ADAM23: variants seen among roughly 807,000 people sequenced by gnomAD.
ADAM23 encodes the protein disintegrin and metalloproteinase domain-containing protein 23.
ADAM23 carries 33 observed loss-of-function variants against 120.1 expected under a neutral mutation model. The ratio of observed to expected loss-of-function variants is 0.27; its 90% CI spans 0.21 to 0.37. The LOEUF (loss-of-function observed/expected upper bound fraction) is 0.37. Ranked by LOEUF, ADAM23 falls within the 10% of genes least tolerant of loss-of-function variation. The pLI is 1.00. For synonymous variants in ADAM23, 367 were observed against 375.2 expected (o/e 0.98, Z 0.25); for missense variants, 862 against 1,058.2 (o/e 0.81, Z 2.57).
chr2:206,511,217 G>A (rs1376369467), intron 3 of ADAM23, among the ~76,000 whole-genome samples: 2 of 151,686 alleles, frequency 1.3e-5, no homozygotes, highest in African/African-American at 4.8e-5. Context: ...CTTTTATGAT[G>A]TCTCTTTGAA....
chr2:206,497,478 A>C (rs993378382), intron 3 of ADAM23, among the ~76,000 whole-genome samples: 3 of 152,234 alleles, frequency 2.0e-5, no homozygotes, highest in African/African-American at 7.2e-5. Flanking sequence ...ATTCTCAATA[A>C]ATTAGGTATC....
intron 3 of ADAM23, among the ~76,000 whole-genome samples, chr2:206,517,240 T>G (rs1444509677): frequency 6.6e-6 from 1 of 152,140 alleles, no homozygotes; most frequent in Non-Finnish European, 1.5e-5. Flanking sequence ...GATTGACTTT[T>G]GCCTTCACAG....
intron 6 of ADAM23, among the ~76,000 whole-genome samples, chr2:206,543,854 A>G (rs1055628641): frequency 6.6e-6 from 1 of 152,198 alleles, no homozygotes; most frequent in African/African-American, 2.4e-5. Context: ...ATTGGAGACT[A>G]TTACTATAAG....
intron 3 of ADAM23, among the ~76,000 whole-genome samples, chr2:206,493,755 A>G (rs1049019901): frequency 2.0e-5 from 3 of 152,258 alleles, no homozygotes; most frequent in Admixed American, 6.5e-5. Context: ...TCCATTTTAC[A>G]GGAATATCTT....
intron 3 of ADAM23, among the ~76,000 whole-genome samples, chr2:206,496,454 G>A (rs1029250461): frequency 2.0e-5 from 3 of 152,052 alleles, no homozygotes; most frequent in African/African-American, 7.2e-5. Context: ...TGAAACCAAC[G>A]AGAACAAAGA....
intron 2 of ADAM23, among the ~76,000 whole-genome samples, chr2:206,477,897 A>AATATATATATAT (rs71034457): frequency 4.1e-4 from 38 of 93,562 alleles, no homozygotes; most frequent in Admixed American, 2.0e-3. Context: ...AAAAAAAAAA[A>AATATATATATAT]ATATATATAT....
At chr2:206,576,576 TTC>T (rs1477458826) in intron 18 of ADAM23, among the ~76,000 whole-genome samples, 1 of 152,124 alleles carries the variant, frequency 6.6e-6, no homozygotes, top group African/African-American at 2.4e-5. Context: ...CCCAAAATTC[TTC>T]TTTTTCTCCT....
At chr2:206,481,477 G>A (rs528424156) in intron 3 of ADAM23, among the ~76,000 whole-genome samples, 169 bp downstream of exon 3, 41 of 152,026 alleles carry the variant, frequency 2.7e-4, no homozygotes, top group South Asian at 4.2e-4. Context: ...ATTTTTTTCC[G>A]AAATAAAAGA....
rs1695012796 is a variant in ADAM23, at chr2:206,443,840, C to G, written c.-27C>G. On this transcript the variant is annotated 5_prime_UTR_variant, in exon 1 of 26. Transcript: ENST00000264377. ...TAGCCCGGCGCTCTCGCCGGCCACA[C>G]GGAGCGGCGCCCGGGAGCTATGAGC... The G allele has an allele frequency of 9.2e-7, 1 of 1,089,750 alleles. No individual in the cohort carries two copies. The allele number at this position is 1,089,750 out of a possible 1,614,324, so 67.5% of individuals were successfully genotyped here.
intron 10 of ADAM23, among the ~76,000 whole-genome samples, chr2:206,558,226 G>A (rs1697685497): frequency 6.6e-6 from 1 of 152,082 alleles, no homozygotes; most frequent in Non-Finnish European, 1.5e-5. Flanking sequence ...AAGTTGACTA[G>A]TCAGAAATTA....
chr2:206,587,263 A>G (rs957884663), intron 18 of ADAM23, 62 bp from the exon 19 acceptor site: 74 of 1,243,886 alleles, frequency 5.9e-5, no homozygotes, highest in Non-Finnish European at 8.0e-5. Flanking sequence ...TATATATAGT[A>G]TGTACATTAT....
At chr2:206,575,398 A>T (rs890490462) in intron 18 of ADAM23, among the ~76,000 whole-genome samples, 12 of 152,164 alleles carry the variant, frequency 7.9e-5, no homozygotes, top group Non-Finnish European at 1.8e-4. Context: ...AGAGTCTGTC[A>T]TGTGGATTTA....
chr2:206,508,325 C>T (rs578038358), intron 3 of ADAM23, among the ~76,000 whole-genome samples: 6 of 152,252 alleles, frequency 3.9e-5, no homozygotes, highest in Admixed American at 2.0e-4. Context: ...TGTGTCCGGC[C>T]GCCTAGTTTA....
In ADAM23 at chr2:206,588,142, A is replaced by C; in HGVS notation, c.1840A>C (p.Ile614Leu). Residue 614 changes from isoleucine to leucine, a missense_variant, in exon 20 of 26, where the codon ATC becomes CTC. By Grantham distance (5) the Ile-to-Leu change is conservative. Coordinates refer to ENST00000264377, the MANE Select transcript of ADAM23 (RefSeq NM_003812.4). ...CKTRDNQCQY[I>L]WGTKAAGSDK... The stretch of plus-strand genomic sequence containing the variant: ...GACCAGAGACAACCAGTGTCAGTAC[A>C]TCTGGGGAACAAGTAGGTCGCACCT... 1 of 1,613,946 alleles carries C rather than the reference A, an allele frequency of 6.2e-7. No individual in the cohort carries two copies. The highest frequency in any genetic ancestry group is 2.2e-5 in the East Asian group (1 of 44,878).
intron 2 of ADAM23, among the ~76,000 whole-genome samples, chr2:206,472,072 T>C (rs1048531159): frequency 2.6e-5 from 4 of 152,204 alleles, no homozygotes; most frequent in African/African-American, 9.6e-5. Flanking sequence ...TGTCCAAGGA[T>C]GCTTTGTCAG....
At chr2:206,617,153 G>A (rs990575071) in intron 25 of ADAM23, among the ~76,000 whole-genome samples, 2 of 152,144 alleles carry the variant, frequency 1.3e-5, no homozygotes, top group Non-Finnish European at 2.9e-5. Flanking sequence ...CTATAGAACT[G>A]CTATAAGCCT....
At chr2:206,501,084 C>A (rs971367668) in intron 3 of ADAM23, among the ~76,000 whole-genome samples, 3 of 151,620 alleles carry the variant, frequency 2.0e-5, no homozygotes, top group Admixed American at 6.6e-5. Context: ...GATTGTGATA[C>A]CTCAGTGAAA....
intron 3 of ADAM23, among the ~76,000 whole-genome samples, chr2:206,519,637 T>C (rs1010514152): frequency 2.0e-5 from 3 of 152,216 alleles, no homozygotes; most frequent in Non-Finnish European, 4.4e-5. Context: ...TGTGTTCTTA[T>C]CTACCATACT....
chr2:206,528,223 A>G (rs1314609478), intron 3 of ADAM23, among the ~76,000 whole-genome samples: 1 of 152,228 alleles, frequency 6.6e-6, no homozygotes, highest in Non-Finnish European at 1.5e-5. Flanking sequence ...TTTCTGCAGA[A>G]GAATGATACC....
Sources: allele counts gnomAD v4.1 joint callset (sites outside exome capture counted in the v4.1 genomes callset), GRCh38; gene constraint gnomAD v4.1.1; transcripts MANE v1.5; gene names NCBI Gene and HGNC (gene_info 2026-07-23, HGNC 2026-07-21).